FAAH2: variants seen among roughly 807,000 people sequenced by gnomAD.
FAAH2 encodes the protein fatty acid amide hydrolase 2.
Under a neutral mutation model 36.9 loss-of-function variants are expected in FAAH2, and 60 were observed. The ratio of observed to expected loss-of-function variants is 1.63; its 90% CI spans 1.32 to 2.02. FAAH2 has a LOEUF of 2.02. FAAH2 is among the 30% of genes most tolerant of loss of function. The pLI, the probability that FAAH2 is intolerant of heterozygous loss-of-function variation, is 0.00. For synonymous variants in FAAH2, 214 were observed against 143.8 expected (o/e 1.49, Z -3.49); for missense variants, 689 against 397.5 (o/e 1.73, Z -6.23).
chrX:57,178,835 T>G, the FAAH2 span, among the ~76,000 whole-genome samples: 1 of 111,738 alleles, frequency 8.9e-6, no homozygotes, highest in East Asian at 2.8e-4. Context: ...CAGGCAGCCT[T>G]CACTCAGAAG....
chrX:57,314,306 C>T (rs747454841), intron 3 of FAAH2, among the ~76,000 whole-genome samples: 34 of 111,202 alleles, frequency 3.1e-4, no homozygotes, highest in East Asian at 2.8e-3. Context: ...TTCAAAACCC[C>T]ACTGACAGTG....
chrX:57,337,221 C>A (rs753633811), intron 4 of FAAH2, among the ~76,000 whole-genome samples: 9 of 75,700 alleles, frequency 1.2e-4, no homozygotes, highest in Admixed American at 6.7e-4. Flanking sequence ...CTAAATAGAA[C>A]AATAATGAGT....
intron 5 of FAAH2, among the ~76,000 whole-genome samples, chrX:57,354,343 T>A (rs994008634): frequency 1.8e-5 from 2 of 111,051 alleles, no homozygotes; most frequent in Non-Finnish European, 3.8e-5. Flanking sequence ...AGATAAGTAT[T>A]ACGTGTTCTC....
chrX:57,167,010 A>T, the FAAH2 span, among the ~76,000 whole-genome samples: 1 of 111,548 alleles, frequency 9.0e-6, no homozygotes, highest in African/African-American at 3.3e-5. Context: ...TACCCAAGAT[A>T]GTATCCAAGT....
chrX:57,469,322 A>G (rs1381815401), intron 10 of FAAH2, among the ~76,000 whole-genome samples: 2 of 111,795 alleles, frequency 1.8e-5, no homozygotes, highest in East Asian at 5.7e-4. Context: ...TAGAGAGTCA[A>G]GACCCATCAG....
intron 5 of FAAH2, among the ~76,000 whole-genome samples, chrX:57,357,010 A>G (rs923382219): frequency 9.1e-6 from 1 of 110,011 alleles, no homozygotes; most frequent in African/African-American, 3.3e-5. Context: ...TCATTGTTCA[A>G]CTCCCACTTA....
intron 1 of FAAH2, among the ~76,000 whole-genome samples, chrX:57,291,297 A>G (rs1354472660): frequency 8.9e-6 from 1 of 112,216 alleles, no homozygotes; most frequent in African/African-American, 3.2e-5. Context: ...TTAAAACAGA[A>G]AAGTATATGA....
At chrX:57,280,370 C>CA in the FAAH2 span, among the ~76,000 whole-genome samples, 33 of 109,248 alleles carry the variant, frequency 3.0e-4, no homozygotes, top group African/African-American at 8.6e-4. Flanking sequence ...TAATATCAAG[C>CA]AAAAAAAATC....
At chrX:57,459,465 G>A (rs1173730818) in intron 10 of FAAH2, among the ~76,000 whole-genome samples, 1 of 112,347 alleles carries the variant, frequency 8.9e-6, no homozygotes, top group Admixed American at 9.4e-5. Context: ...CTGACAAGGG[G>A]GTTTCTCCCA....
At chrX:57,407,544 C>A in intron 7 of FAAH2, among the ~76,000 whole-genome samples, 2 of 112,112 alleles carry the variant, frequency 1.8e-5, no homozygotes, top group Non-Finnish European at 3.8e-5. Flanking sequence ...ATTTTTGCTG[C>A]CTTTCTTTTC....
chrX:57,236,069 A>C, the FAAH2 span, among the ~76,000 whole-genome samples: 5 of 111,898 alleles, frequency 4.5e-5, no homozygotes, highest in Non-Finnish European at 7.5e-5. Context: ...ACTTTTCTAA[A>C]TTACACCTAT....
chrX:57,334,283 C>CACACACACAG (rs1412274766), intron 4 of FAAH2, among the ~76,000 whole-genome samples: 1 of 108,641 alleles, frequency 9.2e-6, no homozygotes, highest in African/African-American at 3.3e-5. Flanking sequence ...CACACACACA[C>CACACACACAG]ACACACACAC....
intron 4 of FAAH2, among the ~76,000 whole-genome samples, chrX:57,340,920 T>A (rs759788229): frequency 3.7e-5 from 4 of 109,420 alleles, no homozygotes; most frequent in Non-Finnish European, 5.7e-5. Flanking sequence ...GTAGCAAACC[T>A]GCACATCCTG....
At chrX:57,446,222 A>T (rs1040033159) in intron 8 of FAAH2, among the ~76,000 whole-genome samples, 7 of 112,136 alleles carry the variant, frequency 6.2e-5, no homozygotes, top group African/African-American at 2.3e-4. Context: ...ATGCAAGACC[A>T]TCTTTCCTAC....
the FAAH2 span, among the ~76,000 whole-genome samples, chrX:57,208,387 G>C: frequency 8.9e-6 from 1 of 112,078 alleles, no homozygotes; most frequent in African/African-American, 3.2e-5. Flanking sequence ...GCCCACACTT[G>C]TCCCATTGTT....
chrX:57,312,587 G>T (rs2052725182), intron 3 of FAAH2, among the ~76,000 whole-genome samples: 1 of 110,103 alleles, frequency 9.1e-6, no homozygotes, highest in African/African-American at 3.3e-5. Flanking sequence ...GGCTGAGGTA[G>T]GAGAATCGCT....
chrX:57,169,436 G>T, the FAAH2 span, among the ~76,000 whole-genome samples: 1 of 84,706 alleles, frequency 1.2e-5, no homozygotes, highest in Non-Finnish European at 2.4e-5. Flanking sequence ...CTCACTATGG[G>T]AGTAAATTTT....
At chrX:57,297,035 T>G (rs1173967076) in intron 2 of FAAH2, among the ~76,000 whole-genome samples, 2 of 110,279 alleles carry the variant, frequency 1.8e-5, no homozygotes, top group Non-Finnish European at 3.8e-5. Context: ...CTCTGCAGGA[T>G]ATTATTTAGG....
the FAAH2 span, among the ~76,000 whole-genome samples, chrX:57,226,066 G>A: frequency 8.9e-6 from 1 of 111,952 alleles, no homozygotes; most frequent in Admixed American, 9.4e-5. Context: ...GACAGTAGAC[G>A]GTTGGTTAAT....
Sources: gnomAD v4.1 joint callset for allele counts (sites outside exome capture counted in the v4.1 genomes callset) on GRCh38, gnomAD v4.1.1 for gene constraint, MANE v1.5 for transcripts, NCBI Gene and HGNC (gene_info 2026-07-23, HGNC 2026-07-21) for gene names.